Variants in JHY observed in about 807,000 individuals in gnomAD.
JHY encodes junctional cadherin complex regulator, also known as jhy protein homolog.
A neutral mutation model predicts 78.0 loss-of-function variants in JHY; 69 were observed. The observed-to-expected ratio is 0.88, with a 90% CI of 0.73 to 1.08. The LOEUF is 1.08. Ranked by LOEUF, JHY falls within the 50% of genes least tolerant of loss-of-function variation. The pLI, the probability that JHY is intolerant of heterozygous loss-of-function variation, is 0.00. For missense variants in JHY, 944 were observed against 927.8 expected (o/e 1.02, Z -0.23); for synonymous variants, 368 against 342.6 (o/e 1.07, Z -0.82).
intron 6 of JHY, chr11:122,947,430 G>A (rs1863989778): frequency 6.6e-6 from 1 of 152,046 alleles, no homozygotes; most frequent in Admixed American, 6.6e-5. Flanking sequence ...TTTCTCATAG[G>A]GCCTACATGA....
At chr11:122,955,836 G>A (rs553668983) in intron 6 of JHY, among the ~76,000 whole-genome samples, 3 of 152,196 alleles carry the variant, frequency 2.0e-5, no homozygotes, top group Admixed American at 6.5e-5. Context: ...TGTCTCTAAC[G>A]GGTAATGCTG....
rs115978689 is a variant in JHY at position 122,949,625 on chromosome 11, T to A, written c.1929+2833T>A. Among the ~76,000 whole-genome samples the A allele has an allele frequency of 2.9e-3, 445 of 152,176 alleles. 3 individuals carry two copies. Among genetic ancestry groups the A allele is most frequent in the African/African-American group, 0.01 (423 of 41,524 alleles). ...ACCCCGGGTCTTCAGCTCACAACCC[T>A]AGAGTTCTTACCCCAGCTCCTTCAC... On this transcript the variant is annotated intron_variant, in intron 6 of 8. Coordinates refer to ENST00000227349, the MANE Select transcript of JHY (RefSeq NM_024806.4).
At chr11:122,944,047 A>C (rs1376848736) in intron 5 of JHY, among the ~76,000 whole-genome samples, 2 of 152,124 alleles carry the variant, frequency 1.3e-5, no homozygotes, top group Non-Finnish European at 2.9e-5. Flanking sequence ...CTCTACAAAA[A>C]TTAGCCAGGC....
intron 6 of JHY, among the ~76,000 whole-genome samples, chr11:122,948,689 A>T (rs932168662): frequency 2.6e-5 from 4 of 152,270 alleles, no homozygotes; most frequent in Non-Finnish European, 5.9e-5. Flanking sequence ...GGGAGCACAG[A>T]GGAACGTAAA....
At chr11:122,933,017 A>G (rs78282869) in intron 4 of JHY, among the ~76,000 whole-genome samples, 1 of 152,332 alleles carries the variant, frequency 6.6e-6, no homozygotes, top group East Asian at 1.9e-4. Context: ...TCTTAAAAAT[A>G]TGATATGATA....
In JHY at chr11:122,959,451, A is replaced by T; in HGVS notation, c.*6A>T. 1 of 1,613,556 alleles carries T rather than the reference A, an allele frequency of 6.2e-7. No homozygotes were observed. Among genetic ancestry groups the T allele is most frequent in the Non-Finnish European group, 8.5e-7 (1 of 1,179,730 alleles). ...AAGTCCTTCACATCGTATAGACAACATTTGATAGGAAGGAGACCAAAAATG... is the reference window on the plus strand; with the variant it reads ...AAGTCCTTCACATCGTATAGACAACTTTTGATAGGAAGGAGACCAAAAATG... On this transcript the variant is annotated 3_prime_UTR_variant, in exon 9 of 9. Coordinates refer to ENST00000227349, the MANE Select transcript of JHY (RefSeq NM_024806.4).
Position 122,934,808 on chromosome 11 carries a change from A to C in JHY, c.1367A>C (p.Asn456Thr). 1 of 1,613,972 alleles carries C rather than the reference A, an allele frequency of 6.2e-7. No homozygotes were observed. Residue 456 changes from asparagine to threonine, a missense_variant, in exon 5 of 9, where the codon AAC (asparagine) becomes ACC (threonine). Physicochemically the swap from Asn to Thr is moderately conservative, Grantham distance 65. Coordinates refer to ENST00000227349, the MANE Select transcript of JHY (RefSeq NM_024806.4). ...KQAFDKVLSK[N>T]STGCDSGLNV... ...GCTTTTGACAAGGTCTTATCTAAAA[A>C]CTCTACTGGATGTGACTCTGGGCTG...
intron 6 of JHY, among the ~76,000 whole-genome samples, chr11:122,949,736 G>A (rs927666293): frequency 4.6e-5 from 7 of 152,138 alleles, no homozygotes; most frequent in Admixed American, 6.5e-5. Flanking sequence ...GACCCTATCC[G>A]TGCCCACGCT....
Position 122,963,636 on chromosome 11 carries a change from C to A in JHY, c.*4191C>A, listed in dbSNP as rs1340220955. Among the ~76,000 whole-genome samples, 1 of 152,130 alleles carries A rather than the reference C, an allele frequency of 6.6e-6. No homozygotes were observed. Among genetic ancestry groups the A allele is most frequent in the Non-Finnish European group, 1.5e-5 (1 of 67,996 alleles). On this transcript the variant is annotated 3_prime_UTR_variant, in exon 9 of 9. Coordinates refer to ENST00000227349, the MANE Select transcript of JHY (RefSeq NM_024806.4). ...TTGTACTAATGACAACAATAGTGAT[C>A]TTTTATAGGCCCAAGTTGGATCAGT...
intron 3 of JHY, among the ~76,000 whole-genome samples, chr11:122,914,165 T>C (rs1863187414): frequency 6.6e-6 from 1 of 152,200 alleles, no homozygotes; most frequent in Non-Finnish European, 1.5e-5. Context: ...GAAAGCTTTT[T>C]ATAATCTTAC....
At chr11:122,939,703 T>C (rs886121527) in intron 5 of JHY, among the ~76,000 whole-genome samples, 9 of 152,238 alleles carry the variant, frequency 5.9e-5, no homozygotes, top group Admixed American at 3.3e-4. Context: ...TAAACACCTG[T>C]AGTCCTTCAT....
chr11:122,949,978 C>G (rs990945841), intron 6 of JHY, among the ~76,000 whole-genome samples: 1 of 151,756 alleles, frequency 6.6e-6, no homozygotes, highest in Non-Finnish European at 1.5e-5. Flanking sequence ...GGATTACAGG[C>G]GCACACCACT....
At chr11:122,954,353 ATGTT>A (rs777962406) in intron 6 of JHY, among the ~76,000 whole-genome samples, 61 of 152,328 alleles carry the variant, frequency 4.0e-4, no homozygotes, top group South Asian at 1.0e-3. Flanking sequence ...GCTGAGGAGA[ATGTT>A]TGTCTTTTGA....
rs1862487766 is a variant in JHY, at chr11:122,886,030, G to A, written c.181G>A (p.Asp61Asn). The A allele has an allele frequency of 1.9e-6, 3 of 1,614,078 alleles. No individual in the cohort carries two copies. The highest frequency in any genetic ancestry group is 2.7e-5 in the African/African-American group (2 of 74,914). ...TQEIMCHSEFDDRIRGNGMEP... is the reference protein window; with the variant it reads ...TQEIMCHSEFNDRIRGNGMEP... The stretch of plus-strand genomic sequence containing the variant: ...AGAGATTATGTGCCATTCTGAGTTT[G>A]ATGATCGAATCCGGGGCAACGGTAT... Residue 61 changes from aspartate (D) to asparagine (N), a missense_variant, in exon 2 of 9, where the codon GAT (aspartate) becomes AAT (asparagine). Physicochemically the swap from Asp to Asn is conservative, Grantham distance 23. Transcript: ENST00000227349.
rs777685826 is a variant in JHY at position 122,904,317 on chromosome 11, C to T, written c.737C>T (p.Pro246Leu). 21 of 1,614,128 alleles carry T rather than the reference C, an allele frequency of 1.3e-5. No individual in the cohort carries two copies. The Middle Eastern group carries it at 4.9e-4, about 38-fold the overall frequency. ...GTTTTCCTGCCGGGATCACGTGGCC[C>T]TCGGCGAAGGAAATCCAAACAACAT... Reference protein sequence around the residue: ...NEVFLPGSRGPRRRKSKQHFV... With the variant: ...NEVFLPGSRGLRRRKSKQHFV... The change falls in exon 3 of 9, where the codon CCT (proline) becomes CTT (leucine). Residue 246 changes from proline (P) to leucine (L), a missense_variant. Pro to Leu is a moderately conservative substitution (Grantham distance 98). Transcript: ENST00000227349.
intron 3 of JHY, among the ~76,000 whole-genome samples, chr11:122,922,047 T>G (rs1282389783): frequency 6.6e-6 from 1 of 152,208 alleles, no homozygotes; most frequent in African/African-American, 2.4e-5. Context: ...TAGCACAAGT[T>G]GAATTGTTTC....
rs1438291004 is a variant in JHY, at chr11:122,959,329, A to G, written c.2221A>G (p.Thr741Ala). The G allele has an allele frequency of 1.2e-5, 19 of 1,614,172 alleles. No homozygotes were observed. Among genetic ancestry groups the G allele is most frequent in the Non-Finnish European group, 1.6e-5 (19 of 1,180,026 alleles). ...HQASKEQKNP[T>A]YAGKEESLPE... The stretch of plus-strand genomic sequence containing the variant: ...AGCATCAAAGGAACAAAAAAATCCA[A>G]CCTATGCTGGGAAAGAAGAAAGTTT... Residue 741 changes from threonine (T) to alanine (A), a missense_variant, in exon 9 of 9, where the codon ACC becomes GCC. Thr to Ala is a moderately conservative substitution (Grantham distance 58, BLOSUM62 0). Coordinates refer to ENST00000227349, the MANE Select transcript of JHY (RefSeq NM_024806.4).
Position 122,904,415 on chromosome 11 carries a change from A to G in JHY, c.835A>G (p.Lys279Glu), listed in dbSNP as rs745527638. The change falls in exon 3 of 9, where the codon AAA (lysine) becomes GAA (glutamate). Residue 279 changes from lysine (K) to glutamate (E), a missense_variant. By Grantham distance (56) the Lys-to-Glu change is moderately conservative. Coordinates refer to ENST00000227349, the MANE Select transcript of JHY (RefSeq NM_024806.4). ...GGACTCTTATCTTCAACTTCACAAT[A>G]AAAAAAGAGGGGAATCTCATCCAGA... The part of the protein sequence containing the change: ...KTDSYLQLHN[K>E]KRGESHPEQI... The G allele has an allele frequency of 6.2e-7, 1 of 1,612,990 alleles. No individual in the cohort carries two copies. Among genetic ancestry groups the G allele is most frequent in the African/African-American group, 1.3e-5 (1 of 74,822 alleles).
In JHY at chr11:122,898,014, T is replaced by C. The variant is rs1862772071; in HGVS notation, c.345-5911T>C. ...ATCATCTAGCAATTGAATGTGGAAA[T>C]AAGAGGCTAACATATTTTTGTGATA... On this transcript the variant is annotated intron_variant, in intron 2 of 8. Transcript: ENST00000227349. This position sits in a 1 kb window ranked among gnomAD's most constrained non-coding sequence, Gnocchi z 4.4. Among the ~76,000 whole-genome samples the C allele has an allele frequency of 6.6e-6, 1 of 152,236 alleles. No individual in the cohort carries two copies. Among genetic ancestry groups the C allele is most frequent in the South Asian group, 2.1e-4 (1 of 4,834 alleles).
Sources: gnomAD v4.1 joint callset for allele counts (sites outside exome capture counted in the v4.1 genomes callset) on GRCh38, gnomAD v4.1.1 for gene constraint, Gnocchi (gnomAD v3.1) non-coding constraint, MANE v1.5 for transcripts, NCBI Gene and HGNC (gene_info 2026-07-23, HGNC 2026-07-21) for gene names.